The following RGPD3 variants were observed in gnomAD, a reference collection of about 807,000 sequenced individuals.
The protein encoded by RGPD3 is ranBP2-like and GRIP domain-containing protein 3.
RGPD3 carries 62 observed loss-of-function variants against 154.5 expected under a neutral mutation model. The observed-to-expected ratio is 0.40, with a 90% CI of 0.33 to 0.50. The LOEUF (loss-of-function observed/expected upper bound fraction) is 0.50, where lower values mean the gene tolerates loss of function less well. RGPD3 is among the 20% of genes least tolerant of loss of function. The pLI is 0.59. For missense variants in RGPD3, 919 were observed against 1,716.8 expected (o/e 0.54, Z 8.21); for synonymous variants, 308 against 607.0 (o/e 0.51, Z 7.24).
At chr2:106,442,546 A>G (rs1381414604) in intron 7 of RGPD3, among the ~76,000 whole-genome samples, 1 of 139,950 alleles carries the variant, frequency 7.1e-6, no homozygotes, top group Non-Finnish European at 1.5e-5. Context: ...GGAAGACGTG[A>G]CAGCTGCCTT....
intron 1 of RGPD3, among the ~76,000 whole-genome samples, chr2:106,467,794 G>C (rs1361812773): frequency 2.1e-5 from 3 of 143,086 alleles, no homozygotes; most frequent in Non-Finnish European, 4.6e-5. Context: ...GGCAGCCGCC[G>C]GGCCAGGTCG....
At chr2:106,450,705 CAAAAAAAAAAAAAAA>C (rs768839840) in intron 6 of RGPD3, among the ~76,000 whole-genome samples, 5,133 of 43,444 alleles carry the variant, frequency 0.12, 111 homozygotes, top group Middle Eastern at 0.16. Flanking sequence ...GACTCTGTCT[CAAAAAAAAAAAAAAA>C]AAAAAAAAAA....
intron 1 of RGPD3, among the ~76,000 whole-genome samples, chr2:106,466,133 G>A (rs1032425045): frequency 2.0e-5 from 3 of 151,972 alleles, no homozygotes; most frequent in Non-Finnish European, 2.9e-5. Flanking sequence ...CCCGGGCCAG[G>A]ACGGGCCCAG....
At chr2:106,417,489 G>A (rs374267056) in intron 20 of RGPD3, among the ~76,000 whole-genome samples, 4 of 148,524 alleles carry the variant, frequency 2.7e-5, no homozygotes, top group East Asian at 2.0e-4. Flanking sequence ...GTTTAGTTTC[G>A]GGAGAATTAA....
chr2:106,434,086 T>C, intron 15 of RGPD3, 142 bp downstream of exon 15: 1 of 1,269,482 alleles, frequency 7.9e-7, no homozygotes, highest in Non-Finnish European at 1.1e-6. Context: ...AATCTAAGCA[T>C]TTAGACACAC....
At chr2:106,414,311 G>A (rs1430225345) in intron 21 of RGPD3, among the ~76,000 whole-genome samples, 1 of 152,180 alleles carries the variant, frequency 6.6e-6, no homozygotes, top group African/African-American at 2.4e-5. Context: ...AAATCATGAA[G>A]AGAGTATAAA....
intron 17 of RGPD3, among the ~76,000 whole-genome samples, chr2:106,430,071 A>G (rs577282491): frequency 6.6e-6 from 1 of 150,766 alleles, no homozygotes; most frequent in South Asian, 2.1e-4. Context: ...AATAGTAGAG[A>G]TGCGGTTTCA....
chr2:106,464,999 G>A (rs1379486909), intron 1 of RGPD3, among the ~76,000 whole-genome samples: 4 of 151,154 alleles, frequency 2.6e-5, no homozygotes, highest in Non-Finnish European at 2.9e-5. Flanking sequence ...AAGGGCAAAA[G>A]CACATGTGAG....
At chr2:106,405,553 T>C (rs1451997291) in intron 22 of RGPD3, among the ~76,000 whole-genome samples, 2 of 151,682 alleles carry the variant, frequency 1.3e-5, no homozygotes, top group Admixed American at 1.3e-4. Flanking sequence ...ATTTTTTGTT[T>C]TTTGGTAGAG....
chr2:106,464,610 A>C (rs1486995974), intron 1 of RGPD3, among the ~76,000 whole-genome samples: 1 of 151,866 alleles, frequency 6.6e-6, no homozygotes, highest in Non-Finnish European at 1.5e-5. Context: ...TGTCAAGTAG[A>C]CTTTGAGAAG....
In RGPD3 at chr2:106,403,653, A is replaced by T. The variant is rs1187885661; in HGVS notation, c.*1566T>A. Among the ~76,000 whole-genome samples the T allele has an allele frequency of 6.6e-6, 1 of 152,300 alleles. No homozygotes were observed. Among genetic ancestry groups the T allele is most frequent in the Non-Finnish European group, 1.5e-5 (1 of 68,058 alleles). On this transcript the variant is annotated 3_prime_UTR_variant, in exon 23 of 23. Transcript: ENST00000409886. ...TACATCGTATGCAGCTGGCATACTC[A>T]TATTCACAGTTTATAAAGTAAAAAA... is the stretch of plus-strand genomic sequence containing the variant.
chr2:106,414,478 CG>C (rs1158335838), intron 21 of RGPD3, among the ~76,000 whole-genome samples: 12 of 150,618 alleles, frequency 8.0e-5, no homozygotes, highest in Non-Finnish European at 1.8e-4. Flanking sequence ...AAAAATTAGC[CG>C]GGCATGGTGG....
At chr2:106,448,411 A>G (rs1205572328) in intron 6 of RGPD3, among the ~76,000 whole-genome samples, 4 of 151,664 alleles carry the variant, frequency 2.6e-5, no homozygotes, top group African/African-American at 9.7e-5. Context: ...TGCCTGGCCT[A>G]TTATTTGTAA....
chr2:106,462,796 C>T (rs1678443626), intron 1 of RGPD3, among the ~76,000 whole-genome samples: 7 of 151,594 alleles, frequency 4.6e-5, no homozygotes, highest in Admixed American at 3.9e-4. Context: ...TCAACAAACC[C>T]ATCTGATCAG....
At chr2:106,438,084 C>A (rs1364386687) in intron 9 of RGPD3, among the ~76,000 whole-genome samples, 1 of 151,946 alleles carries the variant, frequency 6.6e-6, no homozygotes, top group Non-Finnish European at 1.5e-5. Flanking sequence ...CATGCCACCA[C>A]CCCCGGATAA....
chr2:106,447,712 C>A (rs1677976758), intron 6 of RGPD3, 99 bp from the exon 7 acceptor site: 1 of 106,530 alleles, frequency 9.4e-6, no homozygotes, highest in Non-Finnish European at 1.8e-5. Context: ...TTATTTCAAG[C>A]TTCATCTTCC....
In RGPD3 at chr2:106,433,096, T is replaced by C. The variant is rs774049615; in HGVS notation, c.2385+10A>G. ...TTCACAATGAAATGATTCCATTCTT[T>C]CCTGTTTACCTTGTAACTTTTACTT... On this transcript the variant is annotated intron_variant, in intron 16 of 22. Transcript: ENST00000409886. The C allele has an allele frequency of 1.9e-6, 3 of 1,610,884 alleles. No homozygotes were observed. In the Admixed American group the frequency reaches 5.0e-5, roughly 27 times the overall value.
intron 22 of RGPD3, among the ~76,000 whole-genome samples, chr2:106,407,562 T>C (rs531653918): frequency 6.6e-6 from 1 of 151,504 alleles, no homozygotes; most frequent in East Asian, 2.0e-4. Flanking sequence ...TTCCCTAAAC[T>C]GAAATGCACT....
intron 6 of RGPD3, among the ~76,000 whole-genome samples, chr2:106,450,975 G>C (rs1364553654): frequency 2.8e-4 from 42 of 149,700 alleles, no homozygotes; most frequent in Non-Finnish European, 5.0e-4. Context: ...TGTGGTCCCA[G>C]CTACTCGGGA....
Sources: gnomAD v4.1 joint callset for allele counts (sites outside exome capture counted in the v4.1 genomes callset) on GRCh38, gnomAD v4.1.1 for gene constraint, MANE v1.5 for transcripts, NCBI Gene and HGNC (gene_info 2026-07-23, HGNC 2026-07-21) for gene names.